ERC2: variants seen among roughly 807,000 people sequenced by gnomAD.
The protein encoded by ERC2 is ERC protein 2.
In ERC2, 42 loss-of-function variants were observed where a neutral mutation model predicts 114.8. The observed-to-expected ratio is 0.37, with a 90% CI of 0.29 to 0.47. The LOEUF is 0.47. ERC2 is among the 20% of genes least tolerant of loss of function. The probability of loss-of-function intolerance (pLI) is 0.99; values close to 1 mark genes in which losing one functional copy is unlikely to be tolerated. For synonymous variants in ERC2, 454 were observed against 425.5 expected, an observed-to-expected ratio of 1.07 and a Z score of -0.82; for missense variants, 939 against 1,150.7, an observed-to-expected ratio of 0.82 and a Z score of 2.66.
chr3:55,971,298 C>A (rs879418594), intron 12 of ERC2, among the ~76,000 whole-genome samples: 5 of 151,866 alleles, frequency 3.3e-5, no homozygotes, highest in Non-Finnish European at 7.4e-5. Flanking sequence ...AATATACCAA[C>A]AATCACTTAA....
intron 12 of ERC2, among the ~76,000 whole-genome samples, chr3:55,974,470 T>G (rs888259550): frequency 5.3e-5 from 8 of 152,250 alleles, no homozygotes; most frequent in Admixed American, 5.2e-4. Flanking sequence ...TCGGCTTTGA[T>G]GCTGCTGCGG....
intron 3 of ERC2, among the ~76,000 whole-genome samples, chr3:56,204,476 CTTTTATTTTA>C (rs11267334): frequency 1.8e-4 from 24 of 132,928 alleles, no homozygotes; most frequent in Middle Eastern, 7.2e-3. Flanking sequence ...TAATTAGATG[CTTTTATTTTA>C]TTTTATTTTA....
At chr3:55,583,544 TCTTCCTTCCTTCCTTC>T (rs377125700) in intron 17 of ERC2, among the ~76,000 whole-genome samples, 23 of 39,048 alleles carry the variant, frequency 5.9e-4, no homozygotes, top group East Asian at 1.1e-3. Flanking sequence ...TTCCTTCCTT[TCTTCCTTCCTTCCTTC>T]CTTCCTTCCT....
chr3:55,592,733 A>C (rs1461863516), intron 17 of ERC2, among the ~76,000 whole-genome samples: 2 of 152,202 alleles, frequency 1.3e-5, no homozygotes, highest in African/African-American at 4.8e-5. Context: ...AAGCCAAACC[A>C]AATACGTGTA....
At chr3:56,354,451 C>T (rs927465800) in intron 2 of ERC2, among the ~76,000 whole-genome samples, 1 of 152,124 alleles carries the variant, frequency 6.6e-6, no homozygotes, top group Non-Finnish European at 1.5e-5. Context: ...GGAGGGGGTG[C>T]TAATGGCATC....
chr3:56,441,837 A>G (rs1961027), intron 1 of ERC2, among the ~76,000 whole-genome samples: 152,251 of 152,296 alleles, frequency 1, 76,103 homozygotes, highest in Middle Eastern at 1. Flanking sequence ...GTGAGCCACC[A>G]TCCCCAGCCT....
At chr3:55,965,451 T>C (rs529137212) in intron 12 of ERC2, among the ~76,000 whole-genome samples, 3 of 152,366 alleles carry the variant, frequency 2.0e-5, no homozygotes, top group African/African-American at 7.2e-5. Context: ...CATTAACCAA[T>C]GTCCATATTA....
At chr3:55,586,390 T>A (rs922881112) in intron 17 of ERC2, among the ~76,000 whole-genome samples, 2 of 152,240 alleles carry the variant, frequency 1.3e-5, no homozygotes, top group Non-Finnish European at 2.9e-5. Context: ...TTAGTCTATT[T>A]GACTATGATA....
intron 3 of ERC2, among the ~76,000 whole-genome samples, chr3:56,201,081 T>G (rs1012631000): frequency 1.1e-4 from 16 of 152,162 alleles, no homozygotes; most frequent in African/African-American, 3.6e-4. Flanking sequence ...CATCTTGCTG[T>G]CTCATCCCAC....
At chr3:55,627,021 A>G (rs994913695) in intron 17 of ERC2, among the ~76,000 whole-genome samples, 5 of 152,258 alleles carry the variant, frequency 3.3e-5, no homozygotes, top group African/African-American at 1.2e-4. Context: ...TGTAAAATCA[A>G]AAAAGCACAA....
At chr3:56,427,163 GA>G (rs1056577240) in intron 2 of ERC2, among the ~76,000 whole-genome samples, 203 of 135,414 alleles carry the variant, frequency 1.5e-3, no homozygotes, top group Middle Eastern at 3.7e-3. Flanking sequence ...TCCTGTCTCA[GA>G]AAAAAAAAAA....
intron 17 of ERC2, among the ~76,000 whole-genome samples, chr3:55,681,247 T>G (rs1471118430): frequency 6.6e-6 from 1 of 152,216 alleles, no homozygotes; most frequent in East Asian, 1.9e-4. Flanking sequence ...TTATGCTAAT[T>G]CCAATTTGTT....
intron 6 of ERC2, among the ~76,000 whole-genome samples, chr3:56,137,024 G>A (rs2080548190): frequency 6.6e-6 from 1 of 152,124 alleles, no homozygotes; most frequent in Non-Finnish European, 1.5e-5. Context: ...TGTCACCACT[G>A]TCTTTTTCAT....
At chr3:56,380,973 A>G (rs529733824) in intron 2 of ERC2, among the ~76,000 whole-genome samples, 1 of 152,336 alleles carries the variant, frequency 6.6e-6, no homozygotes, top group South Asian at 2.1e-4. Flanking sequence ...GCAGAAGAAA[A>G]GAAAAACACT....
chr3:56,225,486 A>G (rs1187154538), intron 3 of ERC2, among the ~76,000 whole-genome samples: 2 of 152,152 alleles, frequency 1.3e-5, no homozygotes, highest in East Asian at 3.8e-4. Context: ...ACTGCTTCTT[A>G]TTTACCAATG....
At chr3:55,750,909 T>C (rs1354792592) in intron 14 of ERC2, among the ~76,000 whole-genome samples, 1 of 152,256 alleles carries the variant, frequency 6.6e-6, no homozygotes, top group Non-Finnish European at 1.5e-5. Flanking sequence ...CATTCAGTAA[T>C]GTCCTTTCTA....
chr3:56,342,181 A>C (rs1203589601), intron 2 of ERC2, among the ~76,000 whole-genome samples: 1 of 152,210 alleles, frequency 6.6e-6, no homozygotes, highest in East Asian at 1.9e-4. Context: ...TTTTAGCTCA[A>C]ATGTCCCAGA....
At chr3:55,633,732 A>C (rs1368745518) in intron 17 of ERC2, among the ~76,000 whole-genome samples, 2 of 152,208 alleles carry the variant, frequency 1.3e-5, no homozygotes, top group African/African-American at 4.8e-5. Context: ...TATGGAGCTT[A>C]CATTCTGCTG....
intron 6 of ERC2, among the ~76,000 whole-genome samples, chr3:56,125,101 C>T (rs561968131): frequency 6.6e-5 from 10 of 152,176 alleles, no homozygotes; most frequent in South Asian, 2.1e-4. Flanking sequence ...ACAAAACATA[C>T]GTTTTAACAA....
Sources: gnomAD v4.1 joint callset for allele counts (sites outside exome capture counted in the v4.1 genomes callset) on GRCh38, gnomAD v4.1.1 for gene constraint, MANE v1.5 for transcripts, NCBI Gene and HGNC (gene_info 2026-07-23, HGNC 2026-07-21) for gene names.